CD226: variants seen among roughly 807,000 people sequenced by gnomAD.
The protein encoded by CD226 is CD226 molecule, also known as CD226 antigen.
Under a neutral mutation model 34.9 loss-of-function variants are expected in CD226, and 24 were observed. The observed-to-expected ratio is 0.69, with a 90% CI of 0.50 to 0.97. The LOEUF (loss-of-function observed/expected upper bound fraction) is 0.97. Among genes scored for constraint, CD226 ranks in the 50% least tolerant of loss-of-function variants. The pLI, the probability that CD226 is intolerant of heterozygous loss-of-function variation, is 0.00. For synonymous variants in CD226, 148 were observed against 147.4 expected, an observed-to-expected ratio of 1.00 and a Z score of -0.03; for missense variants, 397 against 412.7, an observed-to-expected ratio of 0.96 and a Z score of 0.33.
chr18:69,915,447 C>A (rs1346997000), intron 2 of CD226, among the ~76,000 whole-genome samples: 1 of 152,148 alleles, frequency 6.6e-6, no homozygotes, highest in African/African-American at 2.4e-5. Flanking sequence ...ATGGAGAAAA[C>A]AAACAATTCT....
rs1446105141 is a variant in CD226, at chr18:69,857,872, G to A, written c.*6442C>T. On this transcript the variant is annotated 3_prime_UTR_variant, in exon 6 of 6. Coordinates refer to ENST00000582621, the MANE Select transcript of CD226 (RefSeq NM_001303618.2). The stretch of plus-strand genomic sequence containing the variant: ...TAATTTTGTGGCATTTTGATTACAA[G>A]TTTTCCATTTAAAAATGGACAAAAA... 6.6e-6 allele frequency: 1 copy of A among 152,082 alleles called. No individual in the cohort carries two copies. Among genetic ancestry groups the A allele is most frequent in the African/African-American group, 2.4e-5 (1 of 41,418 alleles). The allele number at this position is 152,082 out of a possible 1,614,324, so 9.4% of individuals were successfully genotyped here.
rs535677252 is a variant in CD226, at chr18:69,883,903, C to T, written c.728-10657G>A. On this transcript the variant is annotated intron_variant, in intron 3 of 5. Coordinates refer to ENST00000582621, the MANE Select transcript of CD226 (RefSeq NM_001303618.2). ...ACACACAGCTTTCAGCCTGTACCCA[C>T]GTCACAGCTCAGGTTTATGACAGCA... is the stretch of plus-strand genomic sequence containing the variant. 6.6e-5 allele frequency among the ~76,000 whole-genome samples: 10 copies of T among 152,342 alleles called. No homozygotes were observed. The East Asian group carries it at 1.5e-3, about 24-fold the overall frequency.
rs1171867602 is a variant in CD226 at position 69,859,512 on chromosome 18, A to ATT, written c.*4800_*4801dup. 2.0e-5 allele frequency: 3 copies of ATT among 152,242 alleles called. No homozygotes were observed. The highest frequency in any genetic ancestry group is 7.2e-5 in the African/African-American group (3 of 41,540). The allele number at this position is 152,242 out of a possible 1,614,324, so 9.4% of individuals were successfully genotyped here. A position where few individuals can be genotyped will look rare whatever the true frequency, so the allele number is the denominator to read the frequency against. On this transcript the variant is annotated 3_prime_UTR_variant, in exon 6 of 6. Coordinates refer to ENST00000582621, the MANE Select transcript of CD226 (RefSeq NM_001303618.2). ...TTTCTGAAAGAGACATGAGAAGAGT[A>ATT]TTTTATGTGGTGAGTTTGGGGAGAG...
rs1307243005 is a variant in CD226, at chr18:69,861,542, GTATATATATATGTATATATA to G, written c.*2752_*2771del. On this transcript the variant is annotated 3_prime_UTR_variant, in exon 6 of 6. Coordinates refer to ENST00000582621, the MANE Select transcript of CD226 (RefSeq NM_001303618.2). ...TTATCCATCGATATAAATTATATGTGTATATATATATGTATATATATATATATATATGTAAAACTTAAGAA... is the reference window on the plus strand; with the variant it reads ...TTATCCATCGATATAAATTATATGTGTATATATATATGTAAAACTTAAGAA... 5 of 41,524 alleles carry G rather than the reference GTATATATATATGTATATATA, an allele frequency of 1.2e-4. No individual in the cohort carries two copies. Among genetic ancestry groups the G allele is most frequent in the South Asian group, 2.4e-3 (2 of 820 alleles). The allele number at this position is 41,524 out of a possible 1,614,324, so 2.6% of individuals were successfully genotyped here.
chr18:69,890,394 C>T (rs1984822676), intron 3 of CD226, among the ~76,000 whole-genome samples: 1 of 151,950 alleles, frequency 6.6e-6, no homozygotes, highest in African/African-American at 2.4e-5. Flanking sequence ...CCAGGACCAT[C>T]CTTGAAACCC....
In CD226 at chr18:69,864,131, C is replaced by G. The variant is rs2145170546; in HGVS notation, c.*183G>C. ...CTTTTGTATATAAACCAGTTAGAGT[C>G]AGGTTTTCTGAAACAGTTCTATGAA... On this transcript the variant is annotated 3_prime_UTR_variant, in exon 6 of 6. Coordinates refer to ENST00000582621, the MANE Select transcript of CD226 (RefSeq NM_001303618.2). 3.5e-6 allele frequency: 2 copies of G among 575,488 alleles called. No individual in the cohort carries two copies. The highest frequency in any genetic ancestry group is 6.1e-6 in the Non-Finnish European group (2 of 327,990). The allele number at this position is 575,488 out of a possible 1,614,324, so 35.6% of individuals were successfully genotyped here.
rs1300806728 is a variant in CD226, at chr18:69,947,030, A to G, written c.86T>C (p.Phe29Ser). Residue 29 changes from phenylalanine to serine, a missense_variant, in exon 2 of 6, where the codon TTT (phenylalanine) becomes TCT (serine). Transcript: ENST00000582621. ...ACATTCTAGAGACATGTTCTCGGCA[A>G]AGGGAACTGATGTATGCCAAAGCAC... ...EEVLWHTSVP[F>S]AENMSLECVY... 6.2e-7 allele frequency: 1 copy of G among 1,614,162 alleles called. No individual in the cohort carries two copies. The highest frequency in any genetic ancestry group is 1.1e-5 in the South Asian group (1 of 91,078).
chr18:69,868,980 G>GAACTCATCAGTCCTCTCATCTCATCAT (rs1983332484), intron 4 of CD226, among the ~76,000 whole-genome samples: 1 of 152,160 alleles, frequency 6.6e-6, no homozygotes, highest in South Asian at 2.1e-4. Flanking sequence ...CCTCTCATCT[G>GAACTCATCAGTCCTCTCATCTCATCAT]TATTATTAAA....
intron 2 of CD226, among the ~76,000 whole-genome samples, chr18:69,923,529 T>C (rs1331870410): frequency 2.6e-5 from 4 of 152,158 alleles, no homozygotes; most frequent in Non-Finnish European, 4.4e-5. Context: ...AACTGACCAA[T>C]GGAAATTCAT....
At chr18:69,958,788 A>AC (rs2055915342), upstream of CD226, among the ~76,000 whole-genome samples, 2 of 143,706 alleles carry the variant, frequency 1.4e-5, no homozygotes, top group African/African-American at 5.2e-5. Flanking sequence ...TTCACAGGCA[A>AC]ACACACACAC....
intron 2 of CD226, among the ~76,000 whole-genome samples, chr18:69,896,391 C>T (rs967379578): frequency 6.6e-6 from 1 of 152,126 alleles, no homozygotes; most frequent in African/African-American, 2.4e-5. Context: ...CCGTGTTAGC[C>T]AGGATGGTCT....
Position 69,860,882 on chromosome 18 carries a change from A to G in CD226, c.*3432T>C, listed in dbSNP as rs957873202. Reference sequence around the variant, plus strand: ...CCACTTACACTTTATAAGCATCTTTATAATATCGTCAATCTTGCTGAAATT... The same window carrying G: ...CCACTTACACTTTATAAGCATCTTTGTAATATCGTCAATCTTGCTGAAATT... On this transcript the variant is annotated 3_prime_UTR_variant, in exon 6 of 6. Transcript: ENST00000582621. 1 of 152,136 alleles carries G rather than the reference A, an allele frequency of 6.6e-6. No homozygotes were observed. The highest frequency in any genetic ancestry group is 2.4e-5 in the African/African-American group (1 of 41,446). 9.4% of individuals were successfully genotyped at this position (152,136 alleles called of 1,614,324 possible). A position where few individuals can be genotyped will look rare whatever the true frequency, so the allele number is the denominator to read the frequency against.
chr18:69,869,959 C>T lies in CD226; in HGVS notation c.831-2548G>A, dbSNP rs571845556. Among the ~76,000 whole-genome samples the T allele has an allele frequency of 2.6e-5, 4 of 151,446 alleles. No individual in the cohort carries two copies. In the East Asian group the frequency reaches 7.9e-4, roughly 30 times the overall value. Reference sequence around the variant, plus strand: ...GGGATTACAGGCGCCCGCCACCATGCCTGGCTAATTTTTTTTTTATTTTTA... The same window carrying T: ...GGGATTACAGGCGCCCGCCACCATGTCTGGCTAATTTTTTTTTTATTTTTA... On this transcript the variant is annotated intron_variant, in intron 4 of 5. Coordinates refer to ENST00000582621, the MANE Select transcript of CD226 (RefSeq NM_001303618.2).
At chr18:69,925,517 T>A (rs2055510181) in intron 2 of CD226, among the ~76,000 whole-genome samples, 1 of 152,184 alleles carries the variant, frequency 6.6e-6, no homozygotes. Flanking sequence ...GGCTCCTTTT[T>A]ACTCTCCCCA....
intron 2 of CD226, among the ~76,000 whole-genome samples, chr18:69,945,812 T>C (rs1199270202): frequency 1.3e-5 from 2 of 152,096 alleles, no homozygotes; most frequent in Non-Finnish European, 2.9e-5. Context: ...CAGCACCACA[T>C]GTCTGGGGAA....
chr18:69,946,009 C>T (rs776158710), intron 2 of CD226, among the ~76,000 whole-genome samples: 15 of 151,588 alleles, frequency 9.9e-5, no homozygotes, highest in Non-Finnish European at 2.2e-4. Context: ...CCCACCAGGT[C>T]CCTCCCACAA....
intron 3 of CD226, among the ~76,000 whole-genome samples, chr18:69,885,994 TA>T (rs1984537279): frequency 6.6e-6 from 1 of 152,190 alleles, no homozygotes; most frequent in Non-Finnish European, 1.5e-5. Context: ...ATCACTTGTA[TA>T]AACCTCTTGA....
intron 3 of CD226, among the ~76,000 whole-genome samples, chr18:69,874,598 T>C (rs1983749558): frequency 6.6e-6 from 1 of 152,176 alleles, no homozygotes; most frequent in Non-Finnish European, 1.5e-5. Context: ...TGGAATCCTA[T>C]TGCAGCCTGA....
In CD226 at chr18:69,853,593, A is replaced by G. The variant is rs569772410; in HGVS notation, c.*10721T>C. 6.6e-6 allele frequency: 1 copy of G among 152,202 alleles called. No individual in the cohort carries two copies. Among genetic ancestry groups the G allele is most frequent in the Non-Finnish European group, 1.5e-5 (1 of 68,042 alleles). The allele number at this position is 152,202 out of a possible 1,614,324, so 9.4% of individuals were successfully genotyped here. On this transcript the variant is annotated 3_prime_UTR_variant, in exon 6 of 6. Coordinates refer to ENST00000582621, the MANE Select transcript of CD226 (RefSeq NM_001303618.2). ...TGAGTGAAACACCACCATGTGACTC[A>G]TATTTCATTTTAACAGAATTTCCCC... is the stretch of plus-strand genomic sequence containing the variant.
Sources: allele counts gnomAD v4.1 joint callset (sites outside exome capture counted in the v4.1 genomes callset), GRCh38; gene constraint gnomAD v4.1.1; transcripts MANE v1.5; gene names NCBI Gene and HGNC (gene_info 2026-07-23, HGNC 2026-07-21).